GANC: variants seen among roughly 807,000 people sequenced by gnomAD.
GANC encodes the protein glucosidase alpha, neutral C.
GANC carries 117 observed loss-of-function variants against 124.2 expected under a neutral mutation model. The ratio of observed to expected loss-of-function variants is 0.94; its 90% CI spans 0.81 to 1.10. GANC has a LOEUF of 1.10. Among genes scored for constraint, GANC ranks in the 50% least tolerant of loss-of-function variants. The pLI is 0.00. For synonymous variants in GANC, 377 were observed against 376.8 expected (o/e 1.00, Z -0.01); for missense variants, 1,140 against 1,095.0 (o/e 1.04, Z -0.58).
At chr15:42,327,645 T>C (rs1394174951) in intron 13 of GANC, 3 of 508,804 alleles carry the variant, frequency 5.9e-6, no homozygotes, top group Non-Finnish European at 1.1e-5. Context: ...ACAAAACCTG[T>C]GATTTTGACC....
intron 6 of GANC, among the ~76,000 whole-genome samples, chr15:42,303,672 A>AAAAG (rs2051968046): frequency 6.6e-6 from 1 of 150,924 alleles, no homozygotes; most frequent in Admixed American, 6.6e-5. Flanking sequence ...TTTACCAAGA[A>AAAAG]AAAAAAAAAA....
rs1336180155 is a variant in GANC at position 42,273,441 on chromosome 15, T to C, written c.-1041T>C. ...GCCTACCGAAAGCATTTCACCCTCT[T>C]CCGGTTCGTCCCGCCTTCTTCCGGC... On this transcript the variant is annotated 5_prime_UTR_variant, in exon 1 of 24. Transcript: ENST00000318010. The C allele has an allele frequency of 3.7e-6, 6 of 1,609,670 alleles. No homozygotes were observed. Among genetic ancestry groups the C allele is most frequent in the Non-Finnish European group, 5.1e-6 (6 of 1,178,244 alleles).
Position 42,353,446 on chromosome 15 carries a change from T to C in GANC, c.*1307T>C, listed in dbSNP as rs781264985. 1.8e-5 allele frequency: 17 copies of C among 936,546 alleles called. No individual in the cohort carries two copies. Among genetic ancestry groups the C allele is most frequent in the South Asian group, 9.9e-5 (2 of 20,214 alleles). 58.0% of individuals were successfully genotyped at this position (936,546 alleles called of 1,614,324 possible). On this transcript the variant is annotated 3_prime_UTR_variant, in exon 24 of 24. Coordinates refer to ENST00000318010, the MANE Select transcript of GANC (RefSeq NM_198141.3). The stretch of plus-strand genomic sequence containing the variant: ...GCAGTGATTTTGCCCTTCCCCGTAA[T>C]GCTGTCCCACTTATAACTGTGCTCT...
rs998066940 is a variant in GANC at position 42,326,545 on chromosome 15, A to G, written c.1420+121A>G. On this transcript the variant is annotated intron_variant, in intron 12 of 23. Coordinates refer to ENST00000318010, the MANE Select transcript of GANC (RefSeq NM_198141.3). Reference sequence around the variant, plus strand: ...TTGCTCCTCTAGCTACATTTTAAGCATATAATTTAATGAAGAGATAGGTTT... The same window carrying G: ...TTGCTCCTCTAGCTACATTTTAAGCGTATAATTTAATGAAGAGATAGGTTT... 8 of 1,478,222 alleles carry G rather than the reference A, an allele frequency of 5.4e-6. No individual in the cohort carries two copies. In the Admixed American group the frequency reaches 8.5e-5, roughly 16 times the overall value. The allele number at this position is 1,478,222 out of a possible 1,614,324, so 91.6% of individuals were successfully genotyped here. A position where few individuals can be genotyped will look rare whatever the true frequency, so the allele number is the denominator to read the frequency against.
At chr15:42,347,011 T>C (rs935086261) in intron 20 of GANC, among the ~76,000 whole-genome samples, 1 of 152,092 alleles carries the variant, frequency 6.6e-6, no homozygotes, top group African/African-American at 2.4e-5. Flanking sequence ...TCTACTCTAA[T>C]CCCTCACACA....
intron 4 of GANC, among the ~76,000 whole-genome samples, chr15:42,288,364 A>G (rs1300021720): frequency 6.6e-6 from 1 of 152,228 alleles, no homozygotes; most frequent in Non-Finnish European, 1.5e-5. Flanking sequence ...TGGGGACTAA[A>G]GCATTTTCAA....
intron 3 of GANC, chr15:42,284,283 GTT>G (rs2051764213): frequency 2.3e-6 from 1 of 433,896 alleles, no homozygotes; most frequent in African/African-American, 2.0e-5. Flanking sequence ...TGAATAAAAA[GTT>G]TTTGTTTTAA....
chr15:42,339,972 T>C, intron 17 of GANC, 60 bp downstream of exon 17: 1 of 1,537,004 alleles, frequency 6.5e-7, no homozygotes, highest in African/African-American at 1.4e-5. Flanking sequence ...AAGATCTCAG[T>C]GATTAAAGAA....
At chr15:42,293,008 A>G (rs1341497660) in intron 5 of GANC, 91 bp downstream of exon 5, 1 of 1,282,286 alleles carries the variant, frequency 7.8e-7, no homozygotes, top group Non-Finnish European at 1.1e-6. Flanking sequence ...AGCACCATAG[A>G]AAATTGGTTT....
chr15:42,347,450 A>G (rs1018186439), intron 20 of GANC, among the ~76,000 whole-genome samples: 2 of 152,090 alleles, frequency 1.3e-5, no homozygotes, highest in Non-Finnish European at 2.9e-5. Context: ...GTGCCATTCC[A>G]GAAGACTCAT....
Position 42,273,385 on chromosome 15 carries a change from G to A in GANC, c.-1097G>A. 1 of 1,614,022 alleles carries A rather than the reference G, an allele frequency of 6.2e-7. No homozygotes were observed. Among genetic ancestry groups the A allele is most frequent in the African/African-American group, 1.3e-5 (1 of 75,060 alleles). On this transcript the variant is annotated 5_prime_UTR_variant, in exon 1 of 24. Coordinates refer to ENST00000318010, the MANE Select transcript of GANC (RefSeq NM_198141.3). ...AATGACAGGCAACACCTGAAGCCAC[G>A]CAGCCGCCGCCATCTTCACAGCCGT...
intron 7 of GANC, among the ~76,000 whole-genome samples, chr15:42,307,181 A>G (rs1595771969): frequency 1.3e-5 from 2 of 152,244 alleles, no homozygotes; most frequent in East Asian, 3.9e-4. Context: ...CCTATTCTGT[A>G]GAATAACAAA....
chr15:42,273,213 C>T lies in GANC; in HGVS notation c.-1269C>T, dbSNP rs570327484. 3 of 1,610,426 alleles carry T rather than the reference C, an allele frequency of 1.9e-6. No individual in the cohort carries two copies. Among genetic ancestry groups the T allele is most frequent in the Non-Finnish European group, 8.5e-7 (1 of 1,177,148 alleles). ...CCCTTGGGCCGCCGTAGCCCCACCC[C>T]TTGCTCCTCTAGGTTCAGACGTTAG... On this transcript the variant is annotated 5_prime_UTR_variant, in exon 1 of 24. Coordinates refer to ENST00000318010, the MANE Select transcript of GANC (RefSeq NM_198141.3).
chr15:42,280,042 T>C (rs1264118105), intron 3 of GANC, among the ~76,000 whole-genome samples: 1 of 152,254 alleles, frequency 6.6e-6, no homozygotes, highest in Non-Finnish European at 1.5e-5. Flanking sequence ...CATAACTTTC[T>C]TGCCCAAATT....
At chr15:42,302,677 A>C (rs1294964844) in intron 6 of GANC, among the ~76,000 whole-genome samples, 2 of 152,186 alleles carry the variant, frequency 1.3e-5, no homozygotes, top group East Asian at 3.9e-4. Context: ...GATGGAGCTG[A>C]AAAACACAGC....
At chr15:42,302,677 A>G (rs1294964844) in intron 6 of GANC, among the ~76,000 whole-genome samples, 1 of 152,186 alleles carries the variant, frequency 6.6e-6, no homozygotes, top group Non-Finnish European at 1.5e-5. Flanking sequence ...GATGGAGCTG[A>G]AAAACACAGC....
intron 3 of GANC, among the ~76,000 whole-genome samples, chr15:42,283,086 T>C (rs991922896): frequency 9.9e-5 from 15 of 152,184 alleles, no homozygotes; most frequent in Admixed American, 9.2e-4. Context: ...ATAGGAAACT[T>C]TGGGAAGACA....
intron 3 of GANC, chr15:42,281,219 C>A: frequency 1.5e-6 from 1 of 651,936 alleles, no homozygotes; most frequent in South Asian, 1.7e-5. Context: ...GGGAGATCAC[C>A]CTGAAATTCT....
At chr15:42,346,943 A>G (rs1363115571) in intron 20 of GANC, among the ~76,000 whole-genome samples, 2 of 152,220 alleles carry the variant, frequency 1.3e-5, no homozygotes. Flanking sequence ...GAACCCCATT[A>G]TTTAAAAAAA....
Sources: gnomAD v4.1 joint callset for allele counts (sites outside exome capture counted in the v4.1 genomes callset) on GRCh38, gnomAD v4.1.1 for gene constraint, MANE v1.5 for transcripts, NCBI Gene and HGNC (gene_info 2026-07-23, HGNC 2026-07-21) for gene names.